The following CNOT1 variants were observed in gnomAD, a reference collection of about 807,000 sequenced individuals.
CNOT1 encodes the protein CCR4-associated factor 1.
A neutral mutation model predicts 273.8 loss-of-function variants in CNOT1; 15 were observed. That is an observed-to-expected ratio of 0.05 (90% CI 0.04 to 0.08). CNOT1 has a LOEUF of 0.08. CNOT1 is among the 10% of genes least tolerant of loss of function. CNOT1 has a pLI of 1.00. For synonymous variants in CNOT1, 1,022 were observed against 1,005.5 expected, an observed-to-expected ratio of 1.02 and a Z score of -0.31; for missense variants, 1,644 against 2,912.2, an observed-to-expected ratio of 0.56 and a Z score of 10.02.
chr16:58,610,213 T>C (rs551149875), intron 1 of CNOT1, among the ~76,000 whole-genome samples: 1 of 151,604 alleles, frequency 6.6e-6, no homozygotes, highest in East Asian at 1.9e-4. Context: ...AAGCCAGGAG[T>C]TCAAAACCAG....
At position 58,532,222 on chromosome 16, in the gene CNOT1, C is replaced by G. The variant is rs372630151; in HGVS notation, c.6059+10G>C. The G allele has an allele frequency of 2.5e-6, 4 of 1,612,856 alleles. No individual in the cohort carries two copies. The Admixed American group carries it at 5.0e-5, about 20-fold the overall frequency. On this transcript the variant is annotated intron_variant, in intron 41 of 48. Transcript: ENST00000317147. ...AAACCTTAACACAAAATCGCAAACA[C>G]AATACTCACCAGAAAGCTGTAAGTG...
chr16:58,527,765 A>G (rs2039644605), intron 44 of CNOT1, among the ~76,000 whole-genome samples: 1 of 152,174 alleles, frequency 6.6e-6, no homozygotes, highest in Non-Finnish European at 1.5e-5. Flanking sequence ...CAATCCTCCA[A>G]GAATAGCAAG....
At chr16:58,626,569 G>A (rs2043594108) in intron 1 of CNOT1, among the ~76,000 whole-genome samples, 1 of 151,976 alleles carries the variant, frequency 6.6e-6, no homozygotes, top group Non-Finnish European at 1.5e-5. Context: ...AGACCAGCCT[G>A]ACCAACATAG....
At position 58,534,309 on chromosome 16, in the gene CNOT1, G is replaced by A. The variant is rs752707493; in HGVS notation, c.5733C>T (p.Tyr1911=). The change falls in exon 40 of 49, where the codon TAC becomes TAT. Residue 1911 remains tyrosine, a synonymous_variant. Transcript: ENST00000317147. ...TGTGCTGCTGCTCAGCCTGAGCACG[G>A]TAACTGATTTCAACACACATTTCAG... is the stretch of plus-strand genomic sequence containing the variant. The part of the protein sequence containing the change: ...LCTEMCVEIS[Y]RAQAEQQHNP... 4.3e-6 allele frequency: 7 copies of A among 1,613,978 alleles called. No homozygotes were observed. In the Admixed American group the frequency reaches 8.3e-5, roughly 19 times the overall value.
intron 17 of CNOT1, 133 bp from the exon 18 acceptor site, chr16:58,558,807 T>G: frequency 8.1e-7 from 1 of 1,235,666 alleles, no homozygotes; most frequent in Non-Finnish European, 1.1e-6. Context: ...ACGATGATAC[T>G]TAAATCCCAG....
chr16:58,603,028 T>C (rs1038241359), intron 1 of CNOT1, among the ~76,000 whole-genome samples: 4 of 152,108 alleles, frequency 2.6e-5, no homozygotes, highest in Non-Finnish European at 5.9e-5. Flanking sequence ...CCAAAACCTA[T>C]AGCCAATCTG....
In CNOT1 at chr16:58,551,651, T is replaced by C; in HGVS notation, c.3139A>G (p.Thr1047Ala). The C allele has an allele frequency of 1.2e-6, 2 of 1,614,152 alleles. No individual in the cohort carries two copies. The highest frequency in any genetic ancestry group is 1.1e-5 in the South Asian group (1 of 91,080). ...STMVTTSTTT[T>A]VAKTVTVTRP... ...GTGACCGTAACCGTTTTAGCAACAG[T>C]GGTAGTTGTTGAGGTGGTTACCATA... is the stretch of plus-strand genomic sequence containing the variant. Residue 1047 changes from threonine (T) to alanine (A), a missense_variant, in exon 23 of 49, where the codon ACT becomes GCT. Thr to Ala is a moderately conservative substitution (Grantham distance 58, BLOSUM62 0). Transcript: ENST00000317147.
rs1262213431 is a variant in CNOT1, at chr16:58,555,797, A to G, written c.2591T>C (p.Met864Thr). ...RIYNHPPHPTMSVDEVLEMLQ... is the reference protein window; with the variant it reads ...RIYNHPPHPTTSVDEVLEMLQ... ...CTAGACACTCACCTCATCAACAGAC[A>G]TGGTTGGATGTGGTGGATGATTATA... is the stretch of plus-strand genomic sequence containing the variant. The change falls in exon 20 of 49, where the codon ATG (methionine) becomes ACG (threonine). Residue 864 changes from methionine to threonine, a missense_variant. Coordinates refer to ENST00000317147, the MANE Select transcript of CNOT1 (RefSeq NM_016284.5). 1 of 1,614,050 alleles carries G rather than the reference A, an allele frequency of 6.2e-7. No homozygotes were observed. The highest frequency in any genetic ancestry group is 2.2e-5 in the East Asian group (1 of 44,880).
chr16:58,549,348 TA>T (rs1179964018), intron 25 of CNOT1, among the ~76,000 whole-genome samples: 2 of 126,416 alleles, frequency 1.6e-5, no homozygotes, highest in African/African-American at 5.8e-5. Flanking sequence ...TTATCATGAA[TA>T]ATATCCAGGG....
intron 10 of CNOT1, among the ~76,000 whole-genome samples, chr16:58,582,581 A>T (rs1242510886): frequency 6.6e-6 from 1 of 152,232 alleles, no homozygotes; most frequent in Non-Finnish European, 1.5e-5. Context: ...CACCATAAAC[A>T]AGAGTAACTT....
At chr16:58,627,124 C>T (rs2043616740) in intron 1 of CNOT1, among the ~76,000 whole-genome samples, 1 of 151,992 alleles carries the variant, frequency 6.6e-6, no homozygotes, top group South Asian at 2.1e-4. Context: ...AAGAAAGCTT[C>T]TCGGCTGGGC....
intron 16 of CNOT1, among the ~76,000 whole-genome samples, chr16:58,562,504 T>C (rs1235357153): frequency 2.2e-5 from 3 of 134,952 alleles, no homozygotes; most frequent in Non-Finnish European, 4.8e-5. Flanking sequence ...ACCCTGTCTC[T>C]AAAAAAAATA....
rs1190405329 is a variant in CNOT1 at position 58,576,513 on chromosome 16, A to G, written c.1654T>C (p.Tyr552His). 12 of 1,614,202 alleles carry G rather than the reference A, an allele frequency of 7.4e-6. No individual in the cohort carries two copies. The highest frequency in any genetic ancestry group is 1.3e-5 in the African/African-American group (1 of 75,058). The change falls in exon 14 of 49, where the codon TAT becomes CAT. Residue 552 changes from tyrosine to histidine, a missense_variant. By Grantham distance (83) the Tyr-to-His change is moderately conservative (BLOSUM62 2). Around this residue, in one of 13 missense-constraint regions of CNOT1, gnomAD observed 706 missense variants for 1,021.2 expected, o/e 0.69. Transcript: ENST00000317147. ...MAEWYMRGEQ[Y>H]DQAKLSRILD... The stretch of plus-strand genomic sequence containing the variant: ...ATTCGAGACAATTTGGCCTGATCAT[A>G]CTGCTCCCCTCTCATGTACCATTCT...
intron 14 of CNOT1, 52 bp from the exon 15 acceptor site, chr16:58,575,181 C>G (rs1353066534): frequency 6.3e-7 from 1 of 1,589,046 alleles, no homozygotes; most frequent in African/African-American, 1.4e-5. Context: ...AAGTAACTAT[C>G]TCTGTCCCAT....
Position 58,530,365 on chromosome 16 carries a change from A to G in CNOT1, c.6178-18T>C. The G allele has an allele frequency of 6.3e-7, 1 of 1,582,790 alleles. No individual in the cohort carries two copies. Among genetic ancestry groups the G allele is most frequent in the Non-Finnish European group, 8.6e-7 (1 of 1,156,718 alleles). ...GGCCACCCCTGAAAGAAAGAAATGT[A>G]CATGAGTCATAATTATACTCAGCTG... On this transcript the variant is annotated intron_variant, in intron 42 of 48. Transcript: ENST00000317147.
At chr16:58,584,156 A>G (rs2041755364) in intron 8 of CNOT1, among the ~76,000 whole-genome samples, 1 of 149,960 alleles carries the variant, frequency 6.7e-6, no homozygotes, top group Non-Finnish European at 1.5e-5. Flanking sequence ...CAACAGAGCA[A>G]CACTCCGTCT....
chr16:58,619,713 C>T (rs1020421383), intron 1 of CNOT1, among the ~76,000 whole-genome samples: 10 of 152,084 alleles, frequency 6.6e-5, no homozygotes, highest in African/African-American at 2.2e-4. Flanking sequence ...CGTGAGCCAC[C>T]GCGCGTAGCC....
intron 2 of CNOT1, among the ~76,000 whole-genome samples, chr16:58,589,539 A>G (rs996085974): frequency 1.3e-5 from 2 of 152,168 alleles, no homozygotes; most frequent in African/African-American, 4.8e-5. Flanking sequence ...ATTGTTTCCT[A>G]TAGTCAGTCA....
rs939207666 is a variant in CNOT1 at position 58,547,435 on chromosome 16, G to A, written c.3639+131C>T. On this transcript the variant is annotated intron_variant, in intron 26 of 48. Transcript: ENST00000317147. The surrounding 1 kb of genome is among the most constrained non-coding windows in gnomAD (Gnocchi z 4.0). ...GTCTAGTCCTTGCCTTACAAAAAGG[G>A]GTTAACAACTCAAAACGTGGGCCAA... is the stretch of plus-strand genomic sequence containing the variant. 4 of 1,500,042 alleles carry A rather than the reference G, an allele frequency of 2.7e-6. No homozygotes were observed. The African/African-American group carries it at 4.2e-5, about 16-fold the overall frequency. The allele number at this position is 1,500,042 out of a possible 1,614,324, so 92.9% of individuals were successfully genotyped here. A position where few individuals can be genotyped will look rare whatever the true frequency, so the allele number is the denominator to read the frequency against.
Sources: allele counts gnomAD v4.1 joint callset (sites outside exome capture counted in the v4.1 genomes callset), GRCh38; gene constraint gnomAD v4.1.1; regional missense constraint gnomAD v4.1.1; non-coding constraint Gnocchi (gnomAD v3.1); transcripts MANE v1.5; gene names NCBI Gene and HGNC (gene_info 2026-07-23, HGNC 2026-07-21).